The following TMEM132C variants were observed in gnomAD, a reference collection of about 807,000 sequenced individuals.
The protein encoded by TMEM132C is transmembrane protein 132C, also known as protein phosphatase 1, regulatory subunit 152.
TMEM132C carries 29 observed loss-of-function variants against 61.4 expected under a neutral mutation model. The ratio of observed to expected loss-of-function variants is 0.47; its 90% CI spans 0.35 to 0.64. The LOEUF (loss-of-function observed/expected upper bound fraction) is 0.64. Ranked by LOEUF, TMEM132C falls within the 30% of genes least tolerant of loss-of-function variation. The pLI, the probability that TMEM132C is intolerant of heterozygous loss-of-function variation, is 0.00. For missense variants in TMEM132C, 1,408 were observed against 1,476.9 expected (o/e 0.95, Z 0.76); for synonymous variants, 656 against 633.1 (o/e 1.04, Z -0.54).
intron 2 of TMEM132C, among the ~76,000 whole-genome samples, chr12:128,465,055 G>A (rs1401360718): frequency 1.3e-5 from 2 of 152,076 alleles, no homozygotes; most frequent in South Asian, 2.1e-4. Context: ...CTGCAATCAC[G>A]TCCCTTGAGA....
chr12:128,518,864 A>T (rs1414071459), intron 2 of TMEM132C, among the ~76,000 whole-genome samples: 1 of 152,140 alleles, frequency 6.6e-6, no homozygotes, highest in Non-Finnish European at 1.5e-5. Context: ...GCCGTGCAGG[A>T]ACTTGGGCAA....
In TMEM132C at chr12:128,326,770, C is replaced by T. The variant is rs183501196; in HGVS notation, c.85+59283C>T. ...GATTCATCAGATGTCTTTATGGCTC[C>T]CACATCTCGTTACCGACTTCACAAT... On this transcript the variant is annotated intron_variant, in intron 1 of 8. Transcript: ENST00000435159. The surrounding 1 kb of genome is among the most constrained non-coding windows in gnomAD (Gnocchi z 5.6). Among the ~76,000 whole-genome samples the T allele has an allele frequency of 1.1e-4, 16 of 139,376 alleles. No individual in the cohort carries two copies. The highest frequency in any genetic ancestry group is 1.1e-3 in the Admixed American group (16 of 14,820). 91.4% of individuals were successfully genotyped at this position (139,376 alleles called of 152,430 possible).
intron 3 of TMEM132C, among the ~76,000 whole-genome samples, chr12:128,564,163 G>A (rs1874619150): frequency 6.6e-6 from 1 of 152,166 alleles, no homozygotes; most frequent in Non-Finnish European, 1.5e-5. Context: ...TCATAAGGAC[G>A]TGAGTCCTAT....
intron 4 of TMEM132C, among the ~76,000 whole-genome samples, chr12:128,657,765 T>A (rs1201105171): frequency 6.6e-6 from 1 of 152,222 alleles, no homozygotes; most frequent in Admixed American, 6.5e-5. Flanking sequence ...CCTATTGGTC[T>A]GGTGCAGCTA....
intron 1 of TMEM132C, among the ~76,000 whole-genome samples, chr12:128,280,859 C>A (rs1322335742): frequency 1.3e-5 from 2 of 152,254 alleles, no homozygotes; most frequent in African/African-American, 4.8e-5. Flanking sequence ...CCATTCAACC[C>A]AGTCAATAGA....
At chr12:128,595,265 T>C (rs1174407210) in intron 3 of TMEM132C, among the ~76,000 whole-genome samples, 1 of 152,180 alleles carries the variant, frequency 6.6e-6, no homozygotes, top group Admixed American at 6.5e-5. Flanking sequence ...GGTGTCATAA[T>C]ACAAGGAACT....
intron 4 of TMEM132C, among the ~76,000 whole-genome samples, chr12:128,635,196 C>G (rs1008077777): frequency 6.6e-5 from 10 of 152,184 alleles, no homozygotes; most frequent in African/African-American, 2.2e-4. Context: ...AAACAGCAAA[C>G]TTGCTAAGAT....
chr12:128,670,844 C>T lies in TMEM132C; in HGVS notation c.1449+1284C>T, dbSNP rs970202924. On this transcript the variant is annotated intron_variant, in intron 5 of 8. Coordinates refer to ENST00000435159, the MANE Select transcript of TMEM132C (RefSeq NM_001136103.3). ...CCAGCAAGGAAATTGCTATAACCAG[C>T]TGTGGTCATGAGGTAGTGGGATTTC... is the stretch of plus-strand genomic sequence containing the variant. 1.3e-5 allele frequency among the ~76,000 whole-genome samples: 2 copies of T among 152,128 alleles called. 1 individual carries two copies. The highest frequency in any genetic ancestry group is 1.3e-4 in the Admixed American group (2 of 15,268).
At chr12:128,491,870 C>A (rs1255375163) in intron 2 of TMEM132C, among the ~76,000 whole-genome samples, 5 of 147,294 alleles carry the variant, frequency 3.4e-5, no homozygotes. Flanking sequence ...TTTTTTTATA[C>A]TTTAAGTTTT....
chr12:128,680,522 T>C (rs1442155725), intron 5 of TMEM132C, among the ~76,000 whole-genome samples: 1 of 152,226 alleles, frequency 6.6e-6, no homozygotes, highest in African/African-American at 2.4e-5. Context: ...AAATGAAAAT[T>C]TCAGCTCCTC....
At chr12:128,416,919 A>G in intron 2 of TMEM132C, among the ~76,000 whole-genome samples, 1 of 152,178 alleles carries the variant, frequency 6.6e-6, no homozygotes, top group East Asian at 1.9e-4. Flanking sequence ...TTTACTGTAC[A>G]AGGGATTCTC....
At chr12:128,344,214 G>A (rs1485085152) in intron 1 of TMEM132C, among the ~76,000 whole-genome samples, 1 of 151,978 alleles carries the variant, frequency 6.6e-6, no homozygotes, top group African/African-American at 2.4e-5. Flanking sequence ...CTGGAGTGCC[G>A]TGGCGCAATC....
chr12:128,490,276 CT>C (rs752670558), intron 2 of TMEM132C, among the ~76,000 whole-genome samples: 6 of 152,176 alleles, frequency 3.9e-5, no homozygotes, highest in Non-Finnish European at 5.9e-5. Context: ...CTAGGCAATG[CT>C]TGTACCTGGC....
intron 3 of TMEM132C, among the ~76,000 whole-genome samples, chr12:128,586,192 G>A (rs1299714899): frequency 1.3e-5 from 2 of 151,642 alleles, no homozygotes; most frequent in Non-Finnish European, 2.9e-5. Context: ...CTAAATTTTT[G>A]CATAATTTTT....
At chr12:128,561,421 G>A (rs912399901) in intron 3 of TMEM132C, among the ~76,000 whole-genome samples, 1 of 152,194 alleles carries the variant, frequency 6.6e-6, no homozygotes, top group Non-Finnish European at 1.5e-5. Flanking sequence ...GTCTTCACAC[G>A]CTGCCTTCTG....
intron 1 of TMEM132C, among the ~76,000 whole-genome samples, chr12:128,391,239 C>G (rs558961085): frequency 5.9e-5 from 9 of 152,332 alleles, no homozygotes; most frequent in Admixed American, 5.9e-4. Context: ...TGGCGGCTGG[C>G]CAGCAGGATG....
chr12:128,429,208 G>A (rs995708948), intron 2 of TMEM132C, among the ~76,000 whole-genome samples: 2 of 152,142 alleles, frequency 1.3e-5, no homozygotes, highest in Non-Finnish European at 2.9e-5. Flanking sequence ...GTCAAAATTG[G>A]CGAGGGAGGT....
rs890191752 is a variant in TMEM132C at position 128,267,625 on chromosome 12, G to A, written c.85+138G>A. The A allele has an allele frequency of 9.7e-6, 7 of 720,788 alleles. No individual in the cohort carries two copies. The Admixed American group carries it at 2.5e-4, about 26-fold the overall frequency. The allele number at this position is 720,788 out of a possible 1,614,324, so 44.6% of individuals were successfully genotyped here. ...CTCGGATCCCATCAACAGCGCCTCT[G>A]CGGGTGCCGAGCCGCCCCTAATCCA... On this transcript the variant is annotated intron_variant, in intron 1 of 8. Transcript: ENST00000435159.
chr12:128,706,068 C>T lies in TMEM132C; in HGVS notation c.3100C>T (p.Arg1034Trp), dbSNP rs369408255. Residue 1034 changes from arginine to tryptophan, a missense_variant, in exon 9 of 9, where the codon CGG (arginine) becomes TGG (tryptophan). Arg to Trp is a moderately radical substitution (Grantham distance 101, BLOSUM62 -3). Coordinates refer to ENST00000435159, the MANE Select transcript of TMEM132C (RefSeq NM_001136103.3). The part of the protein sequence containing the change: ...QIHRSADSGG[R>W]QGREQKQDPL... Reference sequence around the variant, plus strand: ...TCACAGGTCAGCCGACTCCGGGGGGCGGCAGGGCAGAGAACAGAAGCAGGA... The same window carrying T: ...TCACAGGTCAGCCGACTCCGGGGGGTGGCAGGGCAGAGAACAGAAGCAGGA... The T allele has an allele frequency of 6.5e-5, 101 of 1,551,554 alleles. No homozygotes were observed. The highest frequency in any genetic ancestry group is 2.4e-4 in the South Asian group (20 of 84,050).
Sources: allele counts gnomAD v4.1 joint callset (sites outside exome capture counted in the v4.1 genomes callset), GRCh38; gene constraint gnomAD v4.1.1; non-coding constraint Gnocchi (gnomAD v3.1); transcripts MANE v1.5; gene names NCBI Gene and HGNC (gene_info 2026-07-23, HGNC 2026-07-21).